GPATCH2: variants seen among roughly 807,000 people sequenced by gnomAD.
The protein encoded by GPATCH2 is G-patch domain containing 2.
GPATCH2 carries 51 observed loss-of-function variants against 58.0 expected under a neutral mutation model. The ratio of observed to expected loss-of-function variants is 0.88; its 90% CI spans 0.70 to 1.11. The LOEUF is 1.11. GPATCH2 is among the 50% of genes most tolerant of loss of function. The probability of loss-of-function intolerance (pLI) is 0.00; values close to 1 mark genes in which losing one functional copy is unlikely to be tolerated. For synonymous variants in GPATCH2, 222 were observed against 218.5 expected (o/e 1.02, Z -0.14); for missense variants, 625 against 652.2 (o/e 0.96, Z 0.45).
chr1:217,572,643 A>T (rs1042185200), intron 5 of GPATCH2, among the ~76,000 whole-genome samples: 2 of 152,326 alleles, frequency 1.3e-5, no homozygotes, highest in Middle Eastern at 3.4e-3. Context: ...CCAGAATTCA[A>T]TCACAGGTAT....
chr1:217,513,094 A>G (rs1483235202), intron 6 of GPATCH2, among the ~76,000 whole-genome samples: 1 of 152,202 alleles, frequency 6.6e-6, no homozygotes, highest in Non-Finnish European at 1.5e-5. Flanking sequence ...GTTCGAGACC[A>G]GCCTAGCCAA....
At chr1:217,599,722 A>G (rs2102788971) in intron 5 of GPATCH2, among the ~76,000 whole-genome samples, 1 of 152,354 alleles carries the variant, frequency 6.6e-6, no homozygotes, top group Admixed American at 6.5e-5. Flanking sequence ...TTTATAGTTG[A>G]AAACACAATT....
At chr1:217,508,772 C>T (rs1406868623) in intron 6 of GPATCH2, among the ~76,000 whole-genome samples, 1 of 151,880 alleles carries the variant, frequency 6.6e-6, no homozygotes, top group Admixed American at 6.6e-5. Context: ...AAATTAGATA[C>T]TAATTTCTCT....
chr1:217,616,833 C>T (rs1178701978), intron 2 of GPATCH2, among the ~76,000 whole-genome samples: 1 of 152,074 alleles, frequency 6.6e-6, no homozygotes, highest in African/African-American at 2.4e-5. Context: ...CAATCACTTG[C>T]CCCAATTTGT....
intron 5 of GPATCH2, among the ~76,000 whole-genome samples, chr1:217,518,408 T>TA (rs1663283380): frequency 6.6e-6 from 1 of 152,224 alleles, no homozygotes; most frequent in Non-Finnish European, 1.5e-5. Flanking sequence ...TAAGACATAT[T>TA]AAAAGCATTT....
chr1:217,569,208 CAT>C (rs1252921775), intron 5 of GPATCH2, among the ~76,000 whole-genome samples: 5 of 151,722 alleles, frequency 3.3e-5, no homozygotes, highest in African/African-American at 4.8e-5. Flanking sequence ...TTTGGGGACA[CAT>C]GTTTTTAATT....
intron 5 of GPATCH2, among the ~76,000 whole-genome samples, chr1:217,577,308 TGA>T: frequency 6.6e-6 from 1 of 152,194 alleles, no homozygotes; most frequent in East Asian, 1.9e-4. Context: ...ACTTTTATTG[TGA>T]GAGGTGGCAG....
chr1:217,432,001 T>A lies in GPATCH2; in HGVS notation c.1367-636A>T, dbSNP rs565183164. On this transcript the variant is annotated intron_variant, in intron 9 of 9. Transcript: ENST00000366935. ...CCTTCCATGGCCATGTTTAAATGAT[T>A]ATATAAGTTAGTAGAAAGAAAATAG... 2.2e-4 allele frequency among the ~76,000 whole-genome samples: 34 copies of A among 152,148 alleles called. No individual in the cohort carries two copies. The East Asian group carries it at 6.2e-3, about 28-fold the overall frequency.
intron 5 of GPATCH2, among the ~76,000 whole-genome samples, chr1:217,600,371 C>G (rs1668052837): frequency 6.6e-6 from 1 of 152,088 alleles, no homozygotes; most frequent in South Asian, 2.1e-4. Flanking sequence ...AAAGAAAACT[C>G]CTATCTAGAT....
intron 5 of GPATCH2, among the ~76,000 whole-genome samples, chr1:217,558,658 A>C (rs957354280): frequency 6.6e-6 from 1 of 152,160 alleles, no homozygotes; most frequent in Admixed American, 6.5e-5. Flanking sequence ...CATCATTAAA[A>C]CAAAACAAGG....
At chr1:217,590,871 G>A (rs57789996) in intron 5 of GPATCH2, among the ~76,000 whole-genome samples, 8,317 of 152,126 alleles carry the variant, frequency 0.055, 472 homozygotes, top group East Asian at 0.26. Flanking sequence ...TCAAAGGGGT[G>A]ATTTCTCCAA....
chr1:217,534,036 T>A (rs1394429373), intron 5 of GPATCH2, among the ~76,000 whole-genome samples: 1 of 151,966 alleles, frequency 6.6e-6, no homozygotes, highest in Non-Finnish European at 1.5e-5. Context: ...GCCAACATGA[T>A]GAAACCCCAC....
intron 1 of GPATCH2, among the ~76,000 whole-genome samples, chr1:217,624,375 A>T (rs1669346810): frequency 6.6e-6 from 1 of 152,188 alleles, no homozygotes; most frequent in Non-Finnish European, 1.5e-5. Context: ...AAAATTAGCC[A>T]TGCACAGTGG....
chr1:217,592,261 A>G (rs1446278475), intron 5 of GPATCH2, among the ~76,000 whole-genome samples: 1 of 152,024 alleles, frequency 6.6e-6, no homozygotes, highest in Non-Finnish European at 1.5e-5. Flanking sequence ...TTTGAGTCAA[A>G]TTAGTTAATG....
At chr1:217,615,591 A>G (rs1476605232) in intron 2 of GPATCH2, among the ~76,000 whole-genome samples, 1 of 152,094 alleles carries the variant, frequency 6.6e-6, no homozygotes, top group Admixed American at 6.6e-5. Context: ...ACTCAAATGA[A>G]GGGTCTCATA....
At chr1:217,599,849 G>T (rs913331279) in intron 5 of GPATCH2, among the ~76,000 whole-genome samples, 1 of 152,066 alleles carries the variant, frequency 6.6e-6, no homozygotes. Flanking sequence ...TGAAAAATTA[G>T]AAGAATTTAT....
intron 6 of GPATCH2, among the ~76,000 whole-genome samples, chr1:217,512,533 A>C (rs1662904855): frequency 6.6e-6 from 1 of 152,322 alleles, no homozygotes; most frequent in Admixed American, 6.5e-5. Context: ...CTGCTGACAA[A>C]GATTTCCTAA....
chr1:217,438,062 TG>T (rs1222112945), intron 9 of GPATCH2, among the ~76,000 whole-genome samples: 1 of 152,232 alleles, frequency 6.6e-6, no homozygotes, highest in Non-Finnish European at 1.5e-5. Context: ...TTTGCTGTTC[TG>T]CAGCTTCTGC....
At chr1:217,469,428 A>G (rs2102499604) in intron 8 of GPATCH2, among the ~76,000 whole-genome samples, 1 of 152,306 alleles carries the variant, frequency 6.6e-6, no homozygotes, top group Admixed American at 6.5e-5. Flanking sequence ...ATCTTGGTAT[A>G]CAAATAAATC....
Sources: allele counts gnomAD v4.1 joint callset (sites outside exome capture counted in the v4.1 genomes callset), GRCh38; gene constraint gnomAD v4.1.1; transcripts MANE v1.5; gene names NCBI Gene and HGNC (gene_info 2026-07-23, HGNC 2026-07-21).